The following SLC39A10 variants were observed in gnomAD, a reference collection of about 807,000 sequenced individuals.
SLC39A10 encodes the protein zinc transporter ZIP10.
Under a neutral mutation model 65.1 loss-of-function variants are expected in SLC39A10, and 13 were observed. The ratio of observed to expected loss-of-function variants is 0.20; its 90% CI spans 0.13 to 0.32. The LOEUF is 0.32. Ranked by LOEUF, SLC39A10 falls within the 10% of genes least tolerant of loss-of-function variation. The pLI is 1.00. For synonymous variants in SLC39A10, 321 were observed against 342.2 expected, an observed-to-expected ratio of 0.94 and a Z score of 0.68; for missense variants, 831 against 1,018.4, an observed-to-expected ratio of 0.82 and a Z score of 2.50.
intron 1 of SLC39A10, among the ~76,000 whole-genome samples, chr2:195,675,203 T>TA (rs1412842245): frequency 1.3e-5 from 2 of 152,120 alleles, no homozygotes; most frequent in African/African-American, 4.8e-5. Context: ...GGAAAAAAAA[T>TA]AAAAATTGTA....
upstream of SLC39A10, chr2:195,657,216 A>G: frequency 4.8e-6 from 1 of 206,370 alleles, no homozygotes; most frequent in Non-Finnish European, 8.5e-6. Flanking sequence ...TGGTGAATAC[A>G]CGATTTGGTG....
At chr2:195,616,183 G>A (rs1324253608) in intron 2 of SLC39A10, among the ~76,000 whole-genome samples, 2 of 152,172 alleles carry the variant, frequency 1.3e-5, no homozygotes, top group African/African-American at 4.8e-5. Flanking sequence ...TTGAACTCCT[G>A]ACCTCATGTG....
At chr2:195,704,467 G>A (rs1045738126) in intron 3 of SLC39A10, among the ~76,000 whole-genome samples, 1 of 152,076 alleles carries the variant, frequency 6.6e-6, no homozygotes, top group Non-Finnish European at 1.5e-5. Context: ...TGGATCTAGA[G>A]AGCTGCAGTA....
chr2:195,654,783 A>C (rs189229544), upstream of SLC39A10, among the ~76,000 whole-genome samples: 1 of 152,190 alleles, frequency 6.6e-6, no homozygotes, highest in Non-Finnish European at 1.5e-5. Context: ...AATGAAATTC[A>C]TATATTGTTG....
Position 195,737,365 on chromosome 2 carries a change from TATCA to T in SLC39A10, c.*2341_*2344del, listed in dbSNP as rs10642583. 6,481 of 152,520 alleles carry T rather than the reference TATCA, an allele frequency of 0.042. 368 individuals are homozygous for T. The highest frequency in any genetic ancestry group is 0.24 in the East Asian group (1,257 of 5,154). 9.4% of individuals were successfully genotyped at this position (152,520 alleles called of 1,614,324 possible). A position where few individuals can be genotyped will look rare whatever the true frequency, so the allele number is the denominator to read the frequency against. ...TGACATCCATATGAATTTTGGTATA[TATCA>T]ATCAATCAATCAATCACATTGCATT... On this transcript the variant is annotated 3_prime_UTR_variant, in exon 10 of 10. Transcript: ENST00000359634.
upstream of SLC39A10, among the ~76,000 whole-genome samples, chr2:195,653,422 G>A (rs1689083064): frequency 6.6e-6 from 1 of 151,902 alleles, no homozygotes. Context: ...AGCCTCCCGA[G>A]TAGCTGGGAT....
chr2:195,726,087 G>C (rs1692229675), intron 8 of SLC39A10, among the ~76,000 whole-genome samples: 1 of 152,164 alleles, frequency 6.6e-6, no homozygotes, highest in Non-Finnish European at 1.5e-5. Flanking sequence ...TTATACCACA[G>C]TTTTTAAAAG....
chr2:195,619,175 C>G (rs535552806), intron 2 of SLC39A10, among the ~76,000 whole-genome samples: 1 of 149,632 alleles, frequency 6.7e-6, no homozygotes, highest in African/African-American at 2.5e-5. Flanking sequence ...GCTTCTAATA[C>G]GGGTAGACCA....
chr2:195,651,153 A>G (rs1456417650), intron 2 of SLC39A10, among the ~76,000 whole-genome samples: 1 of 151,910 alleles, frequency 6.6e-6, no homozygotes, highest in Non-Finnish European at 1.5e-5. Context: ...ATGGACTTCT[A>G]AAGGCCCATT....
chr2:195,700,611 A>G (rs1691140130), intron 3 of SLC39A10, among the ~76,000 whole-genome samples: 1 of 152,178 alleles, frequency 6.6e-6, no homozygotes, highest in East Asian at 1.9e-4. Flanking sequence ...TAGTGGCAAC[A>G]AACTCCCTCA....
chr2:195,727,182 C>T (rs1692273611), intron 8 of SLC39A10, among the ~76,000 whole-genome samples: 1 of 151,278 alleles, frequency 6.6e-6, no homozygotes, highest in African/African-American at 2.4e-5. Flanking sequence ...AAGTGCCTTT[C>T]TTCTTATTTG....
At chr2:195,657,542 C>T in intron 1 of SLC39A10, 1 of 983,614 alleles carries the variant, frequency 1.0e-6, no homozygotes, top group Non-Finnish European at 1.2e-6. Flanking sequence ...CTGCGGGCCG[C>T]GGGATCGGGA....
rs1574269653 is a variant in SLC39A10 at position 195,685,431 on chromosome 2, G to C, written c.1216+1525G>C. Among the ~76,000 whole-genome samples the C allele has an allele frequency of 2.6e-5, 4 of 151,922 alleles. No individual in the cohort carries two copies. The East Asian group carries it at 7.7e-4, about 29-fold the overall frequency. On this transcript the variant is annotated intron_variant, in intron 3 of 9. Coordinates refer to ENST00000359634, the MANE Select transcript of SLC39A10 (RefSeq NM_020342.3). Reference sequence around the variant, plus strand: ...AAACTGCATCATGCTATATTGTTCAGAGCCCTTTACTTGGCCCACAAGGCT... The same window carrying C: ...AAACTGCATCATGCTATATTGTTCACAGCCCTTTACTTGGCCCACAAGGCT...
intron 2 of SLC39A10, among the ~76,000 whole-genome samples, chr2:195,631,622 G>A (rs932217955): frequency 3.9e-5 from 6 of 152,024 alleles, no homozygotes; most frequent in Middle Eastern, 3.2e-3. Context: ...TGGCATTTAC[G>A]CAAGATCAGT....
At chr2:195,701,431 G>GCTTGTTTTTT (rs1691182504) in intron 3 of SLC39A10, among the ~76,000 whole-genome samples, 1 of 22,468 alleles carries the variant, frequency 4.5e-5, no homozygotes, top group Non-Finnish European at 8.2e-5. Flanking sequence ...CAGTTTCTGT[G>GCTTGTTTTTT]ATTCTTTTTT....
chr2:195,702,017 C>G (rs1470971319), intron 3 of SLC39A10, among the ~76,000 whole-genome samples: 1 of 152,146 alleles, frequency 6.6e-6, no homozygotes, highest in Non-Finnish European at 1.5e-5. Context: ...GTGCCTTTCC[C>G]TAGGCATGCA....
intron 3 of SLC39A10, among the ~76,000 whole-genome samples, chr2:195,690,173 G>GGAA (rs1553502432): frequency 1.6e-5 from 1 of 61,150 alleles, no homozygotes; most frequent in African/African-American, 5.2e-5. Flanking sequence ...GAGACTCTCT[G>GGAA]AAAAAAAAAA....
At chr2:195,616,309 T>C (rs113328235) in intron 2 of SLC39A10, among the ~76,000 whole-genome samples, 1 of 150,368 alleles carries the variant, frequency 6.7e-6, no homozygotes, top group Non-Finnish European at 1.5e-5. Flanking sequence ...ATTGATTGAT[T>C]GATTGATTGA....
chr2:195,733,257 A>G (rs1202457236), intron 9 of SLC39A10, among the ~76,000 whole-genome samples: 1 of 152,226 alleles, frequency 6.6e-6, no homozygotes, highest in East Asian at 1.9e-4. Flanking sequence ...AGAGGGTAGC[A>G]TATCAGTGTC....
Sources: allele counts gnomAD v4.1 joint callset (sites outside exome capture counted in the v4.1 genomes callset), GRCh38; gene constraint gnomAD v4.1.1; transcripts MANE v1.5; gene names NCBI Gene and HGNC (gene_info 2026-07-23, HGNC 2026-07-21).